The following TMPRSS15 variants were observed in gnomAD, a reference collection of about 807,000 sequenced individuals.
TMPRSS15 encodes enteropeptidase.
In TMPRSS15, 128 loss-of-function variants were observed where a neutral mutation model predicts 125.3. That is an observed-to-expected ratio of 1.02 (90% CI 0.89 to 1.18). The LOEUF is 1.18. Ranked by LOEUF, TMPRSS15 falls within the 50% of genes most tolerant of loss-of-function variation. The pLI is 0.00. For synonymous variants in TMPRSS15, 446 were observed against 423.2 expected (o/e 1.05, Z -0.66); for missense variants, 1,283 against 1,212.7 (o/e 1.06, Z -0.86).
upstream of TMPRSS15, among the ~76,000 whole-genome samples, chr21:18,404,893 T>G (rs183638862): frequency 1.5e-3 from 232 of 152,168 alleles, no homozygotes; most frequent in Non-Finnish European, 1.9e-3. Context: ...ATTTATATTT[T>G]TAGCTAATTG....
At chr21:18,333,691 C>T (rs1278676019) in intron 13 of TMPRSS15, among the ~76,000 whole-genome samples, 1 of 152,078 alleles carries the variant, frequency 6.6e-6, no homozygotes, top group African/African-American at 2.4e-5. Context: ...CAACATTGCG[C>T]AGAAGCCAGG....
At chr21:18,441,625 G>GAAAGA (rs993254846) in intron 1 of TMPRSS15, among the ~76,000 whole-genome samples, 3 of 138,044 alleles carry the variant, frequency 2.2e-5, no homozygotes, top group Non-Finnish European at 4.6e-5. Flanking sequence ...AAAAAAAAAA[G>GAAAGA]AAAGAAAAGA....
chr21:18,331,295 G>A (rs941422905), intron 14 of TMPRSS15, among the ~76,000 whole-genome samples: 1 of 152,074 alleles, frequency 6.6e-6, no homozygotes, highest in Non-Finnish European at 1.5e-5. Flanking sequence ...CACCACTGAG[G>A]CATTTCTTTC....
intron 16 of TMPRSS15, among the ~76,000 whole-genome samples, chr21:18,323,047 T>C (rs2075255088): frequency 6.6e-6 from 1 of 152,230 alleles, no homozygotes; most frequent in African/African-American, 2.4e-5. Flanking sequence ...ACTGTAACTG[T>C]AACTTTTGAT....
In TMPRSS15 at chr21:18,397,961, A is replaced by C. The variant is rs2076055264; in HGVS notation, c.277-15T>G. 12 of 1,411,980 alleles carry C rather than the reference A, an allele frequency of 8.5e-6. No individual in the cohort carries two copies. The highest frequency in any genetic ancestry group is 1.9e-5 in the Admixed American group (1 of 53,734). 87.5% of individuals were successfully genotyped at this position (1,411,980 alleles called of 1,614,324 possible). ...ATCTCATCTATCTAGAAAAATATAA[A>C]AGATTGAATGAGTATACTAAATTTA... On this transcript the variant is annotated splice_polypyrimidine_tract_variant and intron_variant, in intron 2 of 24. Coordinates refer to ENST00000284885, the MANE Select transcript of TMPRSS15 (RefSeq NM_002772.3).
At chr21:18,344,135 C>A in intron 10 of TMPRSS15, 75 bp from the exon 11 acceptor site, 1 of 1,265,346 alleles carries the variant, frequency 7.9e-7, no homozygotes, top group Non-Finnish European at 1.1e-6. Flanking sequence ...ACTTTGTAAG[C>A]AGGAAAGAAA....
At chr21:18,431,058 T>C (rs963202091) in intron 1 of TMPRSS15, among the ~76,000 whole-genome samples, 1 of 152,164 alleles carries the variant, frequency 6.6e-6, no homozygotes, top group Non-Finnish European at 1.5e-5. Context: ...AGCAAGACCA[T>C]TAGTTCATTT....
chr21:18,415,367 C>T (rs2076177223), intron 1 of TMPRSS15, among the ~76,000 whole-genome samples: 1 of 152,098 alleles, frequency 6.6e-6, no homozygotes, highest in African/African-American at 2.4e-5. Flanking sequence ...CATAGTCCCA[C>T]TTCTCTAGTT....
chr21:18,438,832 CTG>C (rs1286766792), intron 1 of TMPRSS15, among the ~76,000 whole-genome samples: 4 of 152,248 alleles, frequency 2.6e-5, no homozygotes, highest in South Asian at 2.1e-4. Flanking sequence ...TTAGACATGA[CTG>C]TATATCAATT....
intron 24 of TMPRSS15, among the ~76,000 whole-genome samples, chr21:18,271,473 T>C (rs1419351441): frequency 4.6e-5 from 7 of 152,208 alleles, no homozygotes; most frequent in African/African-American, 1.2e-4. Flanking sequence ...GGCAGACTTG[T>C]TGCCTATCGG....
At chr21:18,433,723 T>C (rs2123216607) in intron 1 of TMPRSS15, among the ~76,000 whole-genome samples, 1 of 149,062 alleles carries the variant, frequency 6.7e-6, no homozygotes, top group Non-Finnish European at 1.5e-5. Context: ...AGAATACTCA[T>C]TTCAGATTTT....
chr21:18,376,354 C>T (rs1183781154), intron 5 of TMPRSS15, among the ~76,000 whole-genome samples: 1 of 152,040 alleles, frequency 6.6e-6, no homozygotes. Flanking sequence ...ATATTCTTTT[C>T]TCAAATGCAG....
At position 18,433,419 on chromosome 21, in the gene TMPRSS15, A is replaced by C. The variant is rs868656812; in HGVS notation, c.11-35090T>G. On this transcript the variant is annotated intron_variant, in intron 1 of 7. Coordinates refer to the TMPRSS15 transcript ENST00000422787. ...AAAAATAACAGAGTTTAGGCCTGGC[A>C]TGGTGGCTTATGCCTGTAATTGTAA... Among the ~76,000 whole-genome samples, 9 of 152,226 alleles carry C rather than the reference A, an allele frequency of 5.9e-5. No homozygotes were observed. The Middle Eastern group carries it at 0.02, about 345-fold the overall frequency.
At chr21:18,466,925 T>TTA (rs1480770200) in intron 1 of TMPRSS15, among the ~76,000 whole-genome samples, 1 of 152,086 alleles carries the variant, frequency 6.6e-6, no homozygotes, top group Admixed American at 6.5e-5. Flanking sequence ...ACCCAAAGGA[T>TTA]TATAAATCAT....
chr21:18,281,192 G>A lies in TMPRSS15; in HGVS notation c.2516C>T (p.Ala839Val). Reference protein sequence around the residue: ...GRNLEPSKWTAILGLHMKSNL... With the variant: ...GRNLEPSKWTVILGLHMKSNL... ...TGATTTCATATGCAGGCCTAGGATT[G>A]CTGTCCACTTGGATGGCTCTAAGTT... is the stretch of plus-strand genomic sequence containing the variant. The change falls in exon 22 of 25, where the codon GCA becomes GTA. Residue 839 changes from alanine (A) to valine (V), a missense_variant. By Grantham distance (64) the Ala-to-Val change is moderately conservative. Transcript: ENST00000284885. The A allele has an allele frequency of 6.2e-7, 1 of 1,614,044 alleles. No individual in the cohort carries two copies. Among genetic ancestry groups the A allele is most frequent in the Non-Finnish European group, 8.5e-7 (1 of 1,179,992 alleles).
At position 18,269,953 on chromosome 21, in the gene TMPRSS15, T is replaced by C; in HGVS notation, c.*16A>G. The C allele has an allele frequency of 6.2e-7, 1 of 1,613,504 alleles. No individual in the cohort carries two copies. ...GGGAAAATAATGCGACTTTCCTGTT[T>C]AGTTTAAGAAATGCGCTAATGTAGA... is the stretch of plus-strand genomic sequence containing the variant. On this transcript the variant is annotated 3_prime_UTR_variant, in exon 25 of 25. Transcript: ENST00000284885.
chr21:18,316,281 T>G (rs1265988400), intron 16 of TMPRSS15, among the ~76,000 whole-genome samples: 4 of 152,160 alleles, frequency 2.6e-5, no homozygotes, highest in African/African-American at 9.7e-5. Flanking sequence ...CGTTAGTATC[T>G]CTTCAATAAA....
chr21:18,356,527 AATGCT>A (rs2075626866), intron 8 of TMPRSS15, among the ~76,000 whole-genome samples: 1 of 151,678 alleles, frequency 6.6e-6, no homozygotes, highest in African/African-American at 2.4e-5. Context: ...ATAAGGGAAA[AATGCT>A]ATGGGGGTAC....
chr21:18,397,715 G>A (rs747037573), intron 3 of TMPRSS15, among the ~76,000 whole-genome samples, 164 bp downstream of exon 3: 9 of 151,968 alleles, frequency 5.9e-5, no homozygotes, highest in Non-Finnish European at 1.2e-4. Flanking sequence ...ATTATTATTC[G>A]CTACTAAAAT....
Sources: gnomAD v4.1 joint callset for allele counts (sites outside exome capture counted in the v4.1 genomes callset) on GRCh38, gnomAD v4.1.1 for gene constraint, MANE v1.5 for transcripts, NCBI Gene and HGNC (gene_info 2026-07-23, HGNC 2026-07-21) for gene names.